Variants in OVCH1 observed in about 807,000 individuals in gnomAD.
The protein encoded by OVCH1 is ovochymase 1.
Under a neutral mutation model 138.4 loss-of-function variants are expected in OVCH1, and 139 were observed. The ratio of observed to expected loss-of-function variants is 1.00; its 90% CI spans 0.87 to 1.16. The LOEUF is 1.16. Among genes scored for constraint, OVCH1 ranks in the 50% most tolerant of loss-of-function variants. The pLI, the probability that OVCH1 is intolerant of heterozygous loss-of-function variation, is 0.00. For missense variants in OVCH1, 1,367 were observed against 1,357.9 expected (o/e 1.01, Z -0.11); for synonymous variants, 453 against 467.8 (o/e 0.97, Z 0.41).
chr12:29,449,693 C>G (rs2135939175), intron 22 of OVCH1, among the ~76,000 whole-genome samples: 1 of 152,160 alleles, frequency 6.6e-6, no homozygotes, highest in East Asian at 1.9e-4. Context: ...GAAAAATAAG[C>G]CTGTATAGCC....
chr12:29,497,461 T>C (rs1395497570), intron 1 of OVCH1, among the ~76,000 whole-genome samples, 162 bp downstream of exon 1: 1 of 152,120 alleles, frequency 6.6e-6, no homozygotes, highest in Non-Finnish European at 1.5e-5. Flanking sequence ...AGACCTTCCT[T>C]TGGGGACATC....
chr12:29,406,342 G>A, the OVCH1 span, among the ~76,000 whole-genome samples: 101 of 151,716 alleles, frequency 6.7e-4, no homozygotes, highest in South Asian at 0.021. Flanking sequence ...TAAGTTTTAG[G>A]GTACATGTGC....
intron 25 of OVCH1, chr12:29,439,477 ACAAAAAG>A (rs1228652145): frequency 1.6e-5 from 23 of 1,462,480 alleles, no homozygotes; most frequent in Non-Finnish European, 2.1e-5. Flanking sequence ...CAAACAAAAA[ACAAAAAG>A]CAAAAAACAA....
At chr12:29,464,975 TCTCAA>T (rs1942266877) in intron 17 of OVCH1, among the ~76,000 whole-genome samples, 167 bp downstream of exon 17, 1 of 152,132 alleles carries the variant, frequency 6.6e-6, no homozygotes, top group African/African-American at 2.4e-5. Flanking sequence ...TTCCTGCAAT[TCTCAA>T]GTGAAAATGT....
At chr12:29,419,063 GC>G (rs935894817) in intron 3 of OVCH1, among the ~76,000 whole-genome samples, 1 of 151,834 alleles carries the variant, frequency 6.6e-6, no homozygotes, top group Non-Finnish European at 1.5e-5. Context: ...TTACTATGTT[GC>G]CCAGGCTGAT....
At chr12:29,466,841 A>T (rs1182969441) in intron 16 of OVCH1, among the ~76,000 whole-genome samples, 1 of 152,156 alleles carries the variant, frequency 6.6e-6, no homozygotes, top group Non-Finnish European at 1.5e-5. Context: ...TGTCACTTCT[A>T]CTTGGAGACT....
intron 26 of OVCH1, among the ~76,000 whole-genome samples, chr12:29,437,425 C>T (rs921506915): frequency 1.3e-5 from 2 of 152,122 alleles, no homozygotes; most frequent in African/African-American, 4.8e-5. Context: ...GTTTTATACT[C>T]GAGTTAACTA....
chr12:29,419,944 G>A (rs1941080683), intron 3 of OVCH1, among the ~76,000 whole-genome samples: 1 of 152,102 alleles, frequency 6.6e-6, no homozygotes, highest in Non-Finnish European at 1.5e-5. Context: ...TAAAGTTGGG[G>A]GATGATAAAG....
intron 3 of OVCH1, among the ~76,000 whole-genome samples, chr12:29,421,509 A>G (rs1481751907): frequency 6.6e-6 from 1 of 152,192 alleles, no homozygotes; most frequent in Non-Finnish European, 1.5e-5. Flanking sequence ...TACTCAAAAC[A>G]TAAAACTGAT....
intron 6 of OVCH1, among the ~76,000 whole-genome samples, chr12:29,488,133 C>A (rs11614491): frequency 0.012 from 1,891 of 151,864 alleles, 20 homozygotes; most frequent in Admixed American, 0.021. Context: ...TTAACAATTT[C>A]TCTTCCTCCT....
chr12:29,497,256 T>G (rs565191261), intron 1 of OVCH1, among the ~76,000 whole-genome samples: 1 of 140,828 alleles, frequency 7.1e-6, no homozygotes, highest in East Asian at 2.0e-4. Flanking sequence ...AGCCAGACCC[T>G]GTCTCAAACA....
At chr12:29,436,324 C>A (rs1941358526) in intron 26 of OVCH1, among the ~76,000 whole-genome samples, 1 of 151,974 alleles carries the variant, frequency 6.6e-6, no homozygotes. Context: ...AAAAATATTT[C>A]TCTAGAAAAC....
In OVCH1 at chr12:29,457,492, C is replaced by A. The variant is rs1204248520; in HGVS notation, c.2281-2087G>T. On this transcript the variant is annotated intron_variant, in intron 19 of 27. Coordinates refer to ENST00000318184, the Ensembl canonical transcript of OVCH1. ...GATCTCGGCTCACTGCAAGCCCCGCCTCCTGGTTTCAAGCGATTTTCCTGC... is the reference window on the plus strand; with the variant it reads ...GATCTCGGCTCACTGCAAGCCCCGCATCCTGGTTTCAAGCGATTTTCCTGC... Among the ~76,000 whole-genome samples, 3 of 140,098 alleles carry A rather than the reference C, an allele frequency of 2.1e-5. No homozygotes were observed. The Admixed American group carries it at 2.3e-4, about 11-fold the overall frequency. 91.9% of individuals were successfully genotyped at this position (140,098 alleles called of 152,430 possible).
At chr12:29,485,906 C>A (rs144148250) in intron 8 of OVCH1, among the ~76,000 whole-genome samples, 3,053 of 151,490 alleles carry the variant, frequency 0.02, 39 homozygotes, top group African/African-American at 0.039. Context: ...CTGCTTGCCA[C>A]CGCACTCCAG....
exon 24 of OVCH1, chr12:29,444,150 A>G: frequency 1.2e-6 from 2 of 1,606,532 alleles, no homozygotes; most frequent in Non-Finnish European, 1.7e-6. Context: ...CTTACCCCAT[A>G]GTAGTTCTGT....
intron 8 of OVCH1, among the ~76,000 whole-genome samples, chr12:29,479,698 C>T (rs1213111415): frequency 6.6e-6 from 1 of 152,140 alleles, no homozygotes. Flanking sequence ...TATTAACAGC[C>T]TCACTACCCT....
rs189548368 is a variant in OVCH1 at position 29,486,369 on chromosome 12, T to G, written c.893-21A>C. On this transcript the variant is annotated intron_variant, in intron 7 of 27. Transcript: ENST00000318184. ...CAAACCTGTAAAAGGTATAAGGAGT[T>G]AGTGCCTTTCCCAATAATAATCATT... is the stretch of plus-strand genomic sequence containing the variant. 2,259 of 1,526,498 alleles carry G rather than the reference T, an allele frequency of 1.5e-3. 6 individuals carry two copies. Among genetic ancestry groups the G allele is most frequent in the Middle Eastern group, 7.5e-3 (44 of 5,884 alleles). 94.6% of individuals were successfully genotyped at this position (1,526,498 alleles called of 1,614,324 possible).
At chr12:29,459,771 A>T (rs760004890) in intron 19 of OVCH1, among the ~76,000 whole-genome samples, 23 of 152,118 alleles carry the variant, frequency 1.5e-4, no homozygotes, top group Non-Finnish European at 3.2e-4. Context: ...ATATACCCAC[A>T]AAATTAAAAA....
chr12:29,458,189 C>A (rs564756314), intron 19 of OVCH1, among the ~76,000 whole-genome samples: 2 of 152,058 alleles, frequency 1.3e-5, no homozygotes, highest in African/African-American at 4.8e-5. Context: ...CCAAGCAATC[C>A]TGAGCAAAAA....
Sources: allele counts gnomAD v4.1 joint callset (sites outside exome capture counted in the v4.1 genomes callset), GRCh38; gene constraint gnomAD v4.1.1; transcripts MANE v1.5; gene names NCBI Gene and HGNC (gene_info 2026-07-23, HGNC 2026-07-21).